Variants in TMEM132C observed in about 807,000 individuals in gnomAD.
The protein encoded by TMEM132C is protein phosphatase 1, regulatory subunit 152.
TMEM132C carries 29 observed loss-of-function variants against 61.4 expected under a neutral mutation model. That is an observed-to-expected ratio of 0.47 (90% CI 0.35 to 0.64). The LOEUF is 0.64. Among genes scored for constraint, TMEM132C ranks in the 30% least tolerant of loss-of-function variants. The pLI, the probability that TMEM132C is intolerant of heterozygous loss-of-function variation, is 0.00. For synonymous variants in TMEM132C, 656 were observed against 633.1 expected, an observed-to-expected ratio of 1.04 and a Z score of -0.54; for missense variants, 1,408 against 1,476.9, an observed-to-expected ratio of 0.95 and a Z score of 0.76.
chr12:128,590,262 T>G (rs1223176477), intron 3 of TMEM132C, among the ~76,000 whole-genome samples: 1 of 152,104 alleles, frequency 6.6e-6, no homozygotes, highest in Non-Finnish European at 1.5e-5. Context: ...AGGATCCAGA[T>G]CCAAGAGCTT....
rs149890745 is a variant in TMEM132C, at chr12:128,482,294, C to T, written c.975-61663C>T. On this transcript the variant is annotated intron_variant, in intron 2 of 8. Transcript: ENST00000435159. ...TTCGATGTGCTCACCTGAGTGAGGA[C>T]GAAAGCACTGGGGAATTCTAAGTAG... Among the ~76,000 whole-genome samples the T allele has an allele frequency of 9.8e-4, 149 of 152,166 alleles. 1 individual carries two copies. Among genetic ancestry groups the T allele is most frequent in the African/African-American group, 3.4e-3 (141 of 41,498 alleles).
intron 2 of TMEM132C, among the ~76,000 whole-genome samples, chr12:128,493,613 T>C (rs553197641): frequency 1.2e-4 from 18 of 152,358 alleles, no homozygotes; most frequent in African/African-American, 4.1e-4. Context: ...TTTGAAGCAA[T>C]TGCAAATTGG....
rs570889485 is a variant in TMEM132C at position 128,332,309 on chromosome 12, A to C, written c.85+64822A>C. The stretch of plus-strand genomic sequence containing the variant: ...AAGGTATGCCTCCCTGTTCTTCTGC[A>C]GTCCTTTTTCTGTTGTTAGAAAAGC... On this transcript the variant is annotated intron_variant, in intron 1 of 8. Transcript: ENST00000435159. Among the ~76,000 whole-genome samples the C allele has an allele frequency of 1.3e-3, 198 of 152,336 alleles. 1 individual carries two copies. The highest frequency in any genetic ancestry group is 4.4e-3 in the African/African-American group (185 of 41,588).
At chr12:128,453,240 C>G (rs1237595343) in intron 2 of TMEM132C, among the ~76,000 whole-genome samples, 1 of 152,218 alleles carries the variant, frequency 6.6e-6, no homozygotes, top group African/African-American at 2.4e-5. Context: ...GCTCTTGATT[C>G]TCTGGGTTGG....
chr12:128,540,710 G>A (rs10847643), intron 2 of TMEM132C, among the ~76,000 whole-genome samples: 69,638 of 151,668 alleles, frequency 0.46, 18,563 homozygotes, highest in Non-Finnish European at 0.6. Context: ...CCAATACAGA[G>A]GACTCCTGTG....
chr12:128,343,973 T>G (rs759026048), intron 1 of TMEM132C, among the ~76,000 whole-genome samples: 1 of 152,238 alleles, frequency 6.6e-6, no homozygotes, highest in African/African-American at 2.4e-5. Context: ...ATTGCATGTA[T>G]GAATAATTCA....
chr12:128,331,533 C>CTGGCT (rs1872665919), intron 1 of TMEM132C, among the ~76,000 whole-genome samples: 1 of 152,136 alleles, frequency 6.6e-6, no homozygotes, highest in Non-Finnish European at 1.5e-5. Flanking sequence ...CTGTCTGTGC[C>CTGGCT]TGGCTTGTTT....
At chr12:128,578,079 T>C (rs1421288295) in intron 3 of TMEM132C, among the ~76,000 whole-genome samples, 1 of 152,236 alleles carries the variant, frequency 6.6e-6, no homozygotes, top group Non-Finnish European at 1.5e-5. Context: ...AAAAACTGTA[T>C]CATTTGCCAT....
intron 3 of TMEM132C, among the ~76,000 whole-genome samples, chr12:128,564,084 G>C (rs1874616008): frequency 6.6e-6 from 1 of 152,184 alleles, no homozygotes; most frequent in Non-Finnish European, 1.5e-5. Flanking sequence ...GCTGCTTCTG[G>C]GATTGCAGTA....
chr12:128,631,152 A>G (rs1954062050), intron 4 of TMEM132C, among the ~76,000 whole-genome samples: 1 of 152,240 alleles, frequency 6.6e-6, no homozygotes, highest in Admixed American at 6.5e-5. Context: ...GTGTTATGTA[A>G]TGGAGCTTTT....
rs553948113 is a variant in TMEM132C at position 128,664,122 on chromosome 12, G to A, written c.1306-5295G>A. On this transcript the variant is annotated intron_variant, in intron 4 of 8. Transcript: ENST00000435159. ...CGCACACAGGCACACGCACCCGCAC[G>A]CACGCGGGCACTCACACAGGCACAC... Among the ~76,000 whole-genome samples the A allele has an allele frequency of 7.8e-5, 10 of 127,932 alleles. No individual in the cohort carries two copies. In the East Asian group the frequency reaches 1.7e-3, roughly 22 times the overall value. The allele number at this position is 127,932 out of a possible 152,430, so 83.9% of individuals were successfully genotyped here.
At chr12:128,515,048 A>G (rs151080972) in intron 2 of TMEM132C, among the ~76,000 whole-genome samples, 271 of 152,344 alleles carry the variant, frequency 1.8e-3, no homozygotes, top group African/African-American at 6.3e-3. Context: ...AAGGCTTACC[A>G]TGGAGATAAC....
intron 4 of TMEM132C, among the ~76,000 whole-genome samples, chr12:128,618,948 A>G (rs538547888): frequency 1.3e-4 from 20 of 152,314 alleles, no homozygotes; most frequent in South Asian, 1.0e-3. Context: ...TAGATGAGGC[A>G]ATTTAGAGGG....
chr12:128,682,027 C>T (rs1054261319), intron 5 of TMEM132C, among the ~76,000 whole-genome samples: 1 of 152,028 alleles, frequency 6.6e-6, no homozygotes, highest in Non-Finnish European at 1.5e-5. Flanking sequence ...TTTGTGTGGC[C>T]TGGCTTGAAT....
chr12:128,507,603 T>G (rs2136114953), intron 2 of TMEM132C, among the ~76,000 whole-genome samples: 1 of 152,270 alleles, frequency 6.6e-6, no homozygotes, highest in African/African-American at 2.4e-5. Context: ...GGGGAGCTGC[T>G]TCAGGTTTTT....
At chr12:128,482,274 T>C (rs1339221226) in intron 2 of TMEM132C, among the ~76,000 whole-genome samples, 5 of 152,242 alleles carry the variant, frequency 3.3e-5, no homozygotes, top group South Asian at 2.1e-4. Context: ...AGCTTTTCGA[T>C]GTGCTCACCT....
chr12:128,613,842 G>C (rs548643508), intron 3 of TMEM132C, among the ~76,000 whole-genome samples: 1 of 152,230 alleles, frequency 6.6e-6, no homozygotes, highest in African/African-American at 2.4e-5. Context: ...CCCCAGCAAA[G>C]GAAAGTGTTT....
At chr12:128,333,879 T>A (rs1172224048) in intron 1 of TMEM132C, among the ~76,000 whole-genome samples, 1 of 150,568 alleles carries the variant, frequency 6.6e-6, no homozygotes, top group African/African-American at 2.4e-5. Flanking sequence ...TGTGTGAGAG[T>A]GTGTGCCTTG....
rs112180938 is a variant in TMEM132C at position 128,581,403 on chromosome 12, C to T, written c.1122-34749C>T. Among the ~76,000 whole-genome samples the T allele has an allele frequency of 3.9e-5, 6 of 152,128 alleles. No individual in the cohort carries two copies. The South Asian group carries it at 8.3e-4, about 21-fold the overall frequency. ...GCCCCTTGCAGACTCCTGCTTCCACCGGAGGGGAGGGGAAACACCCTTTAT... is the reference window on the plus strand; with the variant it reads ...GCCCCTTGCAGACTCCTGCTTCCACTGGAGGGGAGGGGAAACACCCTTTAT... On this transcript the variant is annotated intron_variant, in intron 3 of 8. Coordinates refer to ENST00000435159, the MANE Select transcript of TMEM132C (RefSeq NM_001136103.3).
Sources: gnomAD v4.1 joint callset for allele counts (sites outside exome capture counted in the v4.1 genomes callset) on GRCh38, gnomAD v4.1.1 for gene constraint, MANE v1.5 for transcripts, NCBI Gene and HGNC (gene_info 2026-07-23, HGNC 2026-07-21) for gene names.